GOLGB1: variants seen among roughly 807,000 people sequenced by gnomAD.
The protein encoded by GOLGB1 is golgin subfamily B member 1.
GOLGB1 carries 174 observed loss-of-function variants against 336.9 expected under a neutral mutation model. That is an observed-to-expected ratio of 0.52 (90% confidence interval 0.46 to 0.59). The LOEUF is 0.59. GOLGB1 is among the 20% of genes least tolerant of loss of function. GOLGB1 has a pLI of 0.00. For missense variants in GOLGB1, 3,331 were observed against 3,645.3 expected (o/e 0.91, Z 2.22); for synonymous variants, 1,208 against 1,289.2 (o/e 0.94, Z 1.35).
In GOLGB1 at chr3:121,680,017, G is replaced by T. The variant is rs994592872; in HGVS notation, c.8873+1670C>A. Among the ~76,000 whole-genome samples the T allele has an allele frequency of 2.6e-5, 4 of 152,152 alleles. No homozygotes were observed. The East Asian group carries it at 7.7e-4, about 29-fold the overall frequency. On this transcript the variant is annotated intron_variant, in intron 15 of 21. Transcript: ENST00000614479. ...CAGTGGAGGCTAAGCGGATAGCCTG[G>T]ACTTTTACCACCACCTGGCAATAAT...
At position 121,696,810 on chromosome 3, in the gene GOLGB1, A is replaced by C; in HGVS notation, c.3713T>G (p.Leu1238Arg). 1 of 1,614,092 alleles carries C rather than the reference A, an allele frequency of 6.2e-7. No individual in the cohort carries two copies. Among genetic ancestry groups the C allele is most frequent in the Non-Finnish European group, 8.5e-7 (1 of 1,179,954 alleles). ...CCTTACTTGAATCTGGAGTTGCCTT[A>C]GCTGGTCTCCAATATTCTCATTTTC... ...SKENENIGDQ[L>R]RQLQIQVRES... Residue 1238 changes from leucine to arginine, a missense_variant, in exon 13 of 22, where the codon CTA becomes CGA. Leu to Arg is a moderately radical substitution (Grantham distance 102). Transcript: ENST00000614479.
At chr3:121,671,856 A>AC (rs1404735587) in intron 17 of GOLGB1, among the ~76,000 whole-genome samples, 1 of 138,080 alleles carries the variant, frequency 7.2e-6, no homozygotes, top group Non-Finnish European at 1.6e-5. Flanking sequence ...CATGAGATTC[A>AC]CTTTTTTTTT....
chr3:121,719,893 G>C, intron 6 of GOLGB1, 125 bp from the exon 7 acceptor site: 2 of 722,040 alleles, frequency 2.8e-6, no homozygotes, highest in Non-Finnish European at 2.0e-6. Context: ...GTGAAATTTT[G>C]ATTGTCAAGG....
rs1210064442 is a variant in GOLGB1 at position 121,681,834 on chromosome 3, T to TGGG, written c.8725_8726insCCC (p.Tyr2909delinsSerHis). 1.2e-6 allele frequency: 2 copies of TGGG among 1,605,896 alleles called. No individual in the cohort carries two copies. Among genetic ancestry groups the TGGG allele is most frequent in the Non-Finnish European group, 1.7e-6 (2 of 1,173,892 alleles). ...AGTGATCTCTTGATTAATCTGTAAG[T>TGGG]ATTGCTGCTGCAGATTCTTCAATTC... On this transcript the variant is annotated protein_altering_variant, in exon 15 of 22. Coordinates refer to ENST00000614479, the MANE Select transcript of GOLGB1 (RefSeq NM_001366282.2).
At chr3:121,734,052 A>G (rs1412607412) in intron 1 of GOLGB1, among the ~76,000 whole-genome samples, 2 of 152,334 alleles carry the variant, frequency 1.3e-5, no homozygotes, top group African/African-American at 4.8e-5. Context: ...TTATCAAAAC[A>G]TACAACTTTT....
chr3:121,690,534 T>C, intron 14 of GOLGB1, 136 bp downstream of exon 14: 2 of 456,914 alleles, frequency 4.4e-6, no homozygotes, highest in Non-Finnish European at 3.7e-6. Context: ...AAACAGAACC[T>C]GTGGGATACA....
At chr3:121,700,181 T>C (rs746182955) in intron 11 of GOLGB1, among the ~76,000 whole-genome samples, 8 of 152,102 alleles carry the variant, frequency 5.3e-5, no homozygotes, top group Admixed American at 6.6e-5. Flanking sequence ...TTCTGTGGCA[T>C]AATCTGGAAC....
At chr3:121,666,493 G>T (rs1938635113) in intron 20 of GOLGB1, among the ~76,000 whole-genome samples, 1 of 152,138 alleles carries the variant, frequency 6.6e-6, no homozygotes, top group African/African-American at 2.4e-5. Flanking sequence ...GGCAGAGATG[G>T]CAAGACACCA....
At chr3:121,707,164 T>C (rs1943931985) in intron 10 of GOLGB1, among the ~76,000 whole-genome samples, 1 of 147,378 alleles carries the variant, frequency 6.8e-6, no homozygotes. Flanking sequence ...GAGGCGGAGA[T>C]TGCAGTGAGT....
intron 4 of GOLGB1, among the ~76,000 whole-genome samples, chr3:121,727,316 ATATATTTTTTTTTTTTTTTTT>A (rs1163970639): frequency 2.8e-5 from 1 of 36,102 alleles, no homozygotes. Flanking sequence ...ATATATATAT[ATATATTTTTTTTTTTTTTTTT>A]TTTTTTTTTT....
chr3:121,678,696 C>A (rs1282999369), intron 15 of GOLGB1, among the ~76,000 whole-genome samples: 2 of 151,964 alleles, frequency 1.3e-5, no homozygotes, highest in African/African-American at 2.4e-5. Flanking sequence ...GTCTCCCAAG[C>A]AGCTGGGATT....
intron 11 of GOLGB1, among the ~76,000 whole-genome samples, chr3:121,702,035 A>C (rs1457431958): frequency 1.3e-5 from 2 of 152,138 alleles, no homozygotes; most frequent in African/African-American, 2.4e-5. Flanking sequence ...GATTCTAAGC[A>C]GGGTACAGCA....
intron 10 of GOLGB1, among the ~76,000 whole-genome samples, chr3:121,707,063 A>C (rs1943919453): frequency 6.6e-6 from 1 of 151,098 alleles, no homozygotes; most frequent in Non-Finnish European, 1.5e-5. Context: ...ATACAAAAAC[A>C]AAACAAACAA....
At position 121,697,712 on chromosome 3, in the gene GOLGB1, T is replaced by C. The variant is rs781030151; in HGVS notation, c.2811A>G (p.Lys937=). 3.7e-6 allele frequency: 6 copies of C among 1,613,938 alleles called. No individual in the cohort carries two copies. In the South Asian group the frequency reaches 6.6e-5, roughly 18 times the overall value. ...CTCTGGATAATAAATTTAGCTGTTC[T>C]TTAAGAGTCTTAATTTCAACCCCAA... ...FSLGVEIKTL[K]EQLNLLSRAE... Residue 937 remains lysine, a synonymous_variant, in exon 13 of 22, where the codon AAA becomes AAG. Coordinates refer to ENST00000614479, the MANE Select transcript of GOLGB1 (RefSeq NM_001366282.2).
intron 15 of GOLGB1, 33 bp from the exon 16 acceptor site, chr3:121,677,483 A>C (rs1473288147): frequency 1.3e-6 from 2 of 1,492,082 alleles, no homozygotes; most frequent in Non-Finnish European, 9.3e-7. Flanking sequence ...ACAGGTAAAA[A>C]TATACTTGTA....
At chr3:121,739,004 G>A (rs972485260) in intron 1 of GOLGB1, among the ~76,000 whole-genome samples, 4 of 152,158 alleles carry the variant, frequency 2.6e-5, no homozygotes, top group Admixed American at 2.6e-4. Flanking sequence ...AGCTCATCCT[G>A]TAATCCTAGC....
At chr3:121,684,798 A>G (rs1345724227) in intron 14 of GOLGB1, among the ~76,000 whole-genome samples, 1 of 152,222 alleles carries the variant, frequency 6.6e-6, no homozygotes, top group Non-Finnish European at 1.5e-5. Flanking sequence ...TTCCAGGAAA[A>G]AGATGGCACA....
At chr3:121,715,134 T>C (rs1285689255) in intron 9 of GOLGB1, among the ~76,000 whole-genome samples, 158 bp from the exon 10 acceptor site, 4 of 152,130 alleles carry the variant, frequency 2.6e-5, no homozygotes, top group Admixed American at 6.5e-5. Flanking sequence ...AAATGTTAAA[T>C]GTTCTCAAGA....
intron 14 of GOLGB1, among the ~76,000 whole-genome samples, chr3:121,687,222 A>G (rs926598223): frequency 1.2e-4 from 19 of 152,338 alleles, no homozygotes; most frequent in Non-Finnish European, 7.4e-5. Flanking sequence ...AGATTGCACC[A>G]CTGCACTCCA....
Sources: allele counts gnomAD v4.1 joint callset (sites outside exome capture counted in the v4.1 genomes callset), GRCh38; gene constraint gnomAD v4.1.1; transcripts MANE v1.5; gene names NCBI Gene and HGNC (gene_info 2026-07-23, HGNC 2026-07-21).